The following PKP1 variants were observed in gnomAD, a reference collection of about 807,000 sequenced individuals.
PKP1 encodes plakophilin 1, also known as plakophilin-1.
PKP1 carries 27 observed loss-of-function variants against 76.4 expected under a neutral mutation model. The ratio of observed to expected loss-of-function variants is 0.35; its 90% confidence interval spans 0.26 to 0.49. The LOEUF is 0.49. PKP1 is among the 20% of genes least tolerant of loss of function. The pLI is 0.99. For synonymous variants in PKP1, 404 were observed against 384.2 expected, an observed-to-expected ratio of 1.05 and a Z score of -0.60; for missense variants, 964 against 955.2, an observed-to-expected ratio of 1.01 and a Z score of -0.12.
chr1:201,296,929 T>C (rs1184328201), intron 2 of PKP1, among the ~76,000 whole-genome samples: 1 of 152,208 alleles, frequency 6.6e-6, no homozygotes, highest in Non-Finnish European at 1.5e-5. Context: ...CAAACCATTC[T>C]CAAATAGCAA....
intron 12 of PKP1, 110 bp downstream of exon 12, chr1:201,325,948 G>T: frequency 1.3e-6 from 1 of 762,490 alleles, no homozygotes; most frequent in South Asian, 1.5e-5. Context: ...CCTGCCCTTC[G>T]GGACAGTCTG....
intron 12 of PKP1, among the ~76,000 whole-genome samples, chr1:201,327,864 G>A (rs1192335679): frequency 6.6e-6 from 1 of 152,076 alleles, no homozygotes; most frequent in Non-Finnish European, 1.5e-5. Flanking sequence ...TGCTGAATAG[G>A]GAATCAGGGT....
At chr1:201,318,890 C>T in intron 6 of PKP1, 95 bp downstream of exon 6, 3 of 1,033,426 alleles carry the variant, frequency 2.9e-6, no homozygotes, top group Non-Finnish European at 4.4e-6. Flanking sequence ...GTGCATAGAA[C>T]ATAACAGACA....
intron 2 of PKP1, among the ~76,000 whole-genome samples, chr1:201,311,452 G>A (rs970909559): frequency 6.6e-6 from 1 of 152,214 alleles, no homozygotes; most frequent in African/African-American, 2.4e-5. Flanking sequence ...GGGATGAGCA[G>A]GCTATTGCCA....
At chr1:201,320,458 C>T (rs1359273625) in intron 7 of PKP1, 77 bp downstream of exon 7, 1 of 899,970 alleles carries the variant, frequency 1.1e-6, no homozygotes, top group East Asian at 2.5e-5. Flanking sequence ...GAGGCCTGGC[C>T]CAGTGACAAG....
intron 1 of PKP1, 30 bp downstream of exon 1, chr1:201,283,934 C>A (rs776203475): frequency 1.9e-6 from 3 of 1,595,770 alleles, no homozygotes; most frequent in Non-Finnish European, 1.7e-6. Flanking sequence ...GTGGTCCGTG[C>A]GCCCCTTTCC....
intron 2 of PKP1, among the ~76,000 whole-genome samples, chr1:201,311,294 G>T (rs1289218796): frequency 6.6e-6 from 1 of 152,142 alleles, no homozygotes; most frequent in Non-Finnish European, 1.5e-5. Context: ...TCAGAAAATT[G>T]CCCAGCTGCT....
intron 8 of PKP1, among the ~76,000 whole-genome samples, chr1:201,322,743 C>T (rs867702516): frequency 2.0e-5 from 3 of 152,358 alleles, no homozygotes; most frequent in South Asian, 4.1e-4. Context: ...TGGAACACAG[C>T]TCCCAAGATG....
chr1:201,329,494 A>G (rs1382365973), intron 13 of PKP1, among the ~76,000 whole-genome samples: 1 of 152,238 alleles, frequency 6.6e-6, no homozygotes, highest in Admixed American at 6.5e-5. Flanking sequence ...ACAAGCGTCT[A>G]AAGTGTTTCT....
intron 12 of PKP1, 76 bp downstream of exon 12, chr1:201,325,914 TGG>T: frequency 8.9e-7 from 1 of 1,118,810 alleles, no homozygotes; most frequent in Non-Finnish European, 1.4e-6. Flanking sequence ...TGCTGGGCTC[TGG>T]GCTGGGCACT....
intron 2 of PKP1, among the ~76,000 whole-genome samples, chr1:201,297,935 C>T (rs1656121647): frequency 6.6e-6 from 1 of 152,164 alleles, no homozygotes; most frequent in African/African-American, 2.4e-5. Flanking sequence ...AGATAAAATA[C>T]AACAAAATAC....
intron 9 of PKP1, among the ~76,000 whole-genome samples, chr1:201,324,133 G>A (rs1030329693): frequency 2.0e-5 from 3 of 152,134 alleles, no homozygotes; most frequent in African/African-American, 7.2e-5. Flanking sequence ...GAGCAGCATT[G>A]GACGCTTGGG....
chr1:201,317,685 C>T lies in PKP1; in HGVS notation c.960C>T (p.Thr320=), dbSNP rs1168938242. ...ALRNLVFRST[T]NKLETRRQNG... is the part of the protein sequence containing the mutation. ...GCAACCTGGTGTTCAGGAGCACCAC[C>T]AACAAGCTGGAGACCCGGAGGCAGA... Residue 320 remains threonine (T), a synonymous_variant, in exon 5 of 14, where the codon ACC becomes ACT. Coordinates refer to ENST00000367324, the MANE Select transcript of PKP1 (RefSeq NM_001005337.3). 1 of 1,613,886 alleles carries T rather than the reference C, an allele frequency of 6.2e-7. No individual in the cohort carries two copies. The highest frequency in any genetic ancestry group is 1.3e-5 in the African/African-American group (1 of 74,904).
At chr1:201,295,901 C>T (rs1656057088) in intron 2 of PKP1, among the ~76,000 whole-genome samples, 2 of 148,406 alleles carry the variant, frequency 1.3e-5, no homozygotes, top group African/African-American at 5.0e-5. Flanking sequence ...AAAAAAAAAT[C>T]TTCATTTGGC....
intron 11 of PKP1, 96 bp from the exon 12 acceptor site, chr1:201,325,658 T>G (rs1657096699): frequency 1.1e-6 from 1 of 928,602 alleles, no homozygotes; most frequent in Non-Finnish European, 1.8e-6. Context: ...GCCTCCCCTG[T>G]GTCCAGGCCC....
intron 2 of PKP1, among the ~76,000 whole-genome samples, chr1:201,299,662 C>T (rs1656168418): frequency 6.6e-6 from 1 of 152,200 alleles, no homozygotes; most frequent in Non-Finnish European, 1.5e-5. Context: ...TCTTAATTTC[C>T]TCTTTGCTTT....
chr1:201,295,256 T>C (rs1334709850), intron 2 of PKP1, among the ~76,000 whole-genome samples: 10 of 152,194 alleles, frequency 6.6e-5, no homozygotes, highest in Admixed American at 1.3e-4. Flanking sequence ...CTTCCATTCC[T>C]GAGTTCTTTT....
chr1:201,297,655 T>C (rs530866349), intron 2 of PKP1, among the ~76,000 whole-genome samples: 1 of 152,348 alleles, frequency 6.6e-6, no homozygotes, highest in South Asian at 2.1e-4. Context: ...TTTGCACTTC[T>C]TATGACTGCC....
intron 4 of PKP1, among the ~76,000 whole-genome samples, chr1:201,317,192 A>T (rs937132227): frequency 6.6e-6 from 1 of 152,142 alleles, no homozygotes; most frequent in Non-Finnish European, 1.5e-5. Context: ...AGAGTCCCGG[A>T]TAAGTTTGTA....
Sources: gnomAD v4.1 joint callset for allele counts (sites outside exome capture counted in the v4.1 genomes callset) on GRCh38, gnomAD v4.1.1 for gene constraint, MANE v1.5 for transcripts, NCBI Gene and HGNC (gene_info 2026-07-23, HGNC 2026-07-21) for gene names.